WDR7: variants seen among roughly 807,000 people sequenced by gnomAD.
The protein encoded by WDR7 is WD repeat domain 7, also known as WD repeat-containing protein 7.
In WDR7, 46 loss-of-function variants were observed where a neutral mutation model predicts 169.4. The ratio of observed to expected loss-of-function variants is 0.27; its 90% CI spans 0.21 to 0.35. WDR7 has a LOEUF of 0.35. Ranked by LOEUF, WDR7 falls within the 10% of genes least tolerant of loss-of-function variation. WDR7 has a pLI of 1.00. For missense variants in WDR7, 1,534 were observed against 1,859.3 expected, an observed-to-expected ratio of 0.83 and a Z score of 3.22; for synonymous variants, 612 against 666.8, an observed-to-expected ratio of 0.92 and a Z score of 1.27.
At chr18:56,820,545 CT>C (rs2045077383) in intron 20 of WDR7, among the ~76,000 whole-genome samples, 1 of 151,882 alleles carries the variant, frequency 6.6e-6, no homozygotes, top group Non-Finnish European at 1.5e-5. Context: ...CTTCCCATTA[CT>C]CATTAATAGA....
chr18:56,699,941 A>T, intron 12 of WDR7: 5 of 916,480 alleles, frequency 5.5e-6, no homozygotes, highest in Non-Finnish European at 6.5e-6. Context: ...TTCTTTCCCC[A>T]CTCCTTCATT....
In WDR7 at chr18:56,754,398, T is replaced by G. The variant is rs573662570; in HGVS notation, c.1990-2185T>G. ...GTATATATGTGTATATATACGTGTA[T>G]ATATACACATATATACACACACAAA... On this transcript the variant is annotated intron_variant, in intron 14 of 27. Coordinates refer to ENST00000254442, the MANE Select transcript of WDR7 (RefSeq NM_015285.3). 2.7e-5 allele frequency among the ~76,000 whole-genome samples: 4 copies of G among 147,970 alleles called. No individual in the cohort carries two copies. The East Asian group carries it at 8.2e-4, about 30-fold the overall frequency.
At chr18:56,746,914 G>C (rs1374818160) in intron 14 of WDR7, among the ~76,000 whole-genome samples, 3 of 152,152 alleles carry the variant, frequency 2.0e-5, no homozygotes, top group African/African-American at 7.2e-5. Context: ...AGTGTCTCCA[G>C]ACATTACCAA....
chr18:56,687,270 G>A (rs757597654), intron 7 of WDR7, among the ~76,000 whole-genome samples: 2 of 152,144 alleles, frequency 1.3e-5, no homozygotes, highest in Non-Finnish European at 2.9e-5. Flanking sequence ...CAGTAGTAGG[G>A]AGTTTTCTAC....
At chr18:56,738,345 G>A (rs117275510) in intron 14 of WDR7, among the ~76,000 whole-genome samples, 89 of 152,196 alleles carry the variant, frequency 5.8e-4, no homozygotes, top group East Asian at 1.9e-3. Context: ...CGAGGTAGGC[G>A]GATCGTTTGA....
chr18:56,956,651 C>T (rs895376284), intron 25 of WDR7, among the ~76,000 whole-genome samples: 1 of 152,106 alleles, frequency 6.6e-6, no homozygotes, highest in African/African-American at 2.4e-5. Flanking sequence ...TTCTTTCCTG[C>T]AGAACCAGCT....
chr18:57,015,728 A>G (rs1015514914), intron 26 of WDR7, among the ~76,000 whole-genome samples: 3 of 152,204 alleles, frequency 2.0e-5, no homozygotes, highest in African/African-American at 7.2e-5. Context: ...CAAACGTACG[A>G]TGAGTGCTGC....
chr18:56,768,556 A>C (rs2044103980), intron 16 of WDR7, among the ~76,000 whole-genome samples: 1 of 152,220 alleles, frequency 6.6e-6, no homozygotes, highest in Non-Finnish European at 1.5e-5. Flanking sequence ...CTAGTCGGTA[A>C]CATGAACATA....
At chr18:56,669,198 C>G (rs1296825794) in intron 1 of WDR7, among the ~76,000 whole-genome samples, 1 of 151,888 alleles carries the variant, frequency 6.6e-6, no homozygotes, top group African/African-American at 2.4e-5. Context: ...CTATACAGAG[C>G]TGAGAAATAA....
intron 26 of WDR7, among the ~76,000 whole-genome samples, chr18:56,973,052 G>C (rs2047513907): frequency 6.6e-6 from 1 of 152,114 alleles, no homozygotes; most frequent in Admixed American, 6.6e-5. Context: ...ATTTTTAGTG[G>C]AGACGGGGTT....
intron 21 of WDR7, among the ~76,000 whole-genome samples, chr18:56,913,665 TGCACCTGTA>T (rs1276131575): frequency 6.6e-6 from 1 of 150,874 alleles, no homozygotes; most frequent in Non-Finnish European, 1.5e-5. Flanking sequence ...TGTGGTGGTG[TGCACCTGTA>T]GTCCCAGGTA....
At chr18:56,948,961 T>C (rs527339425) in intron 25 of WDR7, among the ~76,000 whole-genome samples, 2 of 152,176 alleles carry the variant, frequency 1.3e-5, no homozygotes, top group South Asian at 4.1e-4. Flanking sequence ...AGCCTGGAAG[T>C]GTATTTTGTT....
At chr18:56,761,061 G>A (rs1435807163) in intron 16 of WDR7, among the ~76,000 whole-genome samples, 2 of 152,094 alleles carry the variant, frequency 1.3e-5, no homozygotes, top group Non-Finnish European at 1.5e-5. Context: ...CCAGGCTGGG[G>A]TGCAGTGGCA....
intron 19 of WDR7, among the ~76,000 whole-genome samples, chr18:56,783,330 G>A (rs1262124020): frequency 1.3e-5 from 2 of 152,036 alleles, no homozygotes; most frequent in South Asian, 2.1e-4. Flanking sequence ...AAGGTAGTCC[G>A]GAAAAAGTGT....
intron 26 of WDR7, among the ~76,000 whole-genome samples, chr18:56,966,360 C>A (rs2047409373): frequency 6.6e-6 from 1 of 152,068 alleles, no homozygotes; most frequent in Non-Finnish European, 1.5e-5. Context: ...GCAAGACCAA[C>A]CCCTCTTCTT....
chr18:56,818,610 G>A (rs530399768), intron 20 of WDR7, among the ~76,000 whole-genome samples: 4 of 152,174 alleles, frequency 2.6e-5, no homozygotes, highest in South Asian at 4.2e-4. Flanking sequence ...TAGATCGTTC[G>A]GGTTACCTTT....
At chr18:57,022,581 CTTTTCCCAGTA>C (rs2048307466) in intron 27 of WDR7, among the ~76,000 whole-genome samples, 1 of 152,170 alleles carries the variant, frequency 6.6e-6, no homozygotes, top group African/African-American at 2.4e-5. Context: ...AGATTTGAAA[CTTTTCCCAGTA>C]TTTTCAGGAG....
intron 19 of WDR7, among the ~76,000 whole-genome samples, chr18:56,800,651 TAAC>T (rs555603730): frequency 5.0e-4 from 76 of 152,322 alleles, no homozygotes; most frequent in Non-Finnish European, 9.7e-4. Flanking sequence ...AGGCTCCTAA[TAAC>T]TGTCTGAGGA....
At chr18:56,775,286 A>G (rs1229449389) in intron 16 of WDR7, among the ~76,000 whole-genome samples, 1 of 152,154 alleles carries the variant, frequency 6.6e-6, no homozygotes, top group African/African-American at 2.4e-5. Context: ...GTCCTAACTG[A>G]AGCCACCAGA....
Sources: allele counts gnomAD v4.1 joint callset (sites outside exome capture counted in the v4.1 genomes callset), GRCh38; gene constraint gnomAD v4.1.1; transcripts MANE v1.5; gene names NCBI Gene and HGNC (gene_info 2026-07-23, HGNC 2026-07-21).